The following TENM3 variants were observed in gnomAD, a reference collection of about 807,000 sequenced individuals.
TENM3 encodes teneurin transmembrane protein 3.
TENM3 carries 63 observed loss-of-function variants against 255.1 expected under a neutral mutation model. The ratio of observed to expected loss-of-function variants is 0.25; its 90% CI spans 0.20 to 0.30. TENM3 has a LOEUF of 0.30. Ranked by LOEUF, TENM3 falls within the 10% of genes least tolerant of loss-of-function variation. The pLI, the probability that TENM3 is intolerant of heterozygous loss-of-function variation, is 1.00. For synonymous variants in TENM3, 1,306 were observed against 1,322.3 expected (o/e 0.99, Z 0.27); for missense variants, 2,929 against 3,461.1 (o/e 0.85, Z 3.86).
the TENM3 span, among the ~76,000 whole-genome samples, chr4:181,623,699 G>A: frequency 3.1e-4 from 47 of 152,232 alleles, no homozygotes; most frequent in Admixed American, 7.8e-4. Flanking sequence ...CTTATGCTTC[G>A]TAAACAATCA....
chr4:181,871,082 C>CT, the TENM3 span, among the ~76,000 whole-genome samples: 158 of 152,094 alleles, frequency 1.0e-3, 1 homozygote, highest in East Asian at 0.017. Context: ...TCATATGTGT[C>CT]TATTTCTGAA....
the TENM3 span, among the ~76,000 whole-genome samples, chr4:181,510,340 C>T: frequency 6.6e-6 from 1 of 151,946 alleles, no homozygotes; most frequent in Non-Finnish European, 1.5e-5. Context: ...TCCAGACAAA[C>T]AACATACCAA....
intron 6 of TENM3, among the ~76,000 whole-genome samples, chr4:182,660,734 A>C (rs1389522216): frequency 6.6e-6 from 1 of 152,198 alleles, no homozygotes; most frequent in Non-Finnish European, 1.5e-5. Flanking sequence ...CATAGAATTT[A>C]TTCATTTTAC....
the TENM3 span, among the ~76,000 whole-genome samples, chr4:181,603,973 T>C: frequency 1.3e-5 from 2 of 152,152 alleles, no homozygotes; most frequent in African/African-American, 4.8e-5. Flanking sequence ...TGATTAGATA[T>C]CTGAATGATT....
chr4:181,912,540 C>T, the TENM3 span, among the ~76,000 whole-genome samples: 1 of 152,040 alleles, frequency 6.6e-6, no homozygotes, highest in Non-Finnish European at 1.5e-5. Context: ...GTAATCCCAA[C>T]ACTTTGAGAG....
the TENM3 span, among the ~76,000 whole-genome samples, chr4:181,846,259 G>T: frequency 6.6e-6 from 1 of 151,856 alleles, no homozygotes; most frequent in African/African-American, 2.4e-5. Flanking sequence ...TTGAAATTTT[G>T]AAATGCTATC....
At chr4:181,599,247 T>G in the TENM3 span, among the ~76,000 whole-genome samples, 1 of 152,312 alleles carries the variant, frequency 6.6e-6, no homozygotes, top group East Asian at 1.9e-4. Context: ...ATTGAATAAG[T>G]GTACCATTAT....
intron 1 of TENM3, among the ~76,000 whole-genome samples, chr4:182,180,173 G>A (rs1409416572): frequency 6.6e-6 from 1 of 151,062 alleles, no homozygotes; most frequent in Non-Finnish European, 1.5e-5. Flanking sequence ...TTTTCTTAAC[G>A]TGAACTTTCC....
At chr4:182,370,302 G>GT (rs1459602016) in intron 3 of TENM3, among the ~76,000 whole-genome samples, 2 of 152,156 alleles carry the variant, frequency 1.3e-5, no homozygotes, top group Non-Finnish European at 2.9e-5. Context: ...TGTGTCTGTT[G>GT]TAAGTATCAT....
At chr4:182,216,526 A>G (rs1211252419) in intron 1 of TENM3, among the ~76,000 whole-genome samples, 1 of 152,176 alleles carries the variant, frequency 6.6e-6, no homozygotes, top group African/African-American at 2.4e-5. Context: ...TTTACCTGTC[A>G]GTTTCGTTAC....
the TENM3 span, among the ~76,000 whole-genome samples, chr4:181,717,307 A>C: frequency 6.6e-6 from 1 of 152,302 alleles, no homozygotes; most frequent in Admixed American, 6.5e-5. Context: ...AAACTTTTTC[A>C]TGTCAGAGAG....
At chr4:182,640,121 T>A (rs772523701) in intron 5 of TENM3, among the ~76,000 whole-genome samples, 3 of 152,154 alleles carry the variant, frequency 2.0e-5, no homozygotes, top group Non-Finnish European at 4.4e-5. Context: ...TTTTGCTGAT[T>A]TCTATTCATA....
At chr4:181,553,659 T>C in the TENM3 span, among the ~76,000 whole-genome samples, 1 of 152,036 alleles carries the variant, frequency 6.6e-6, no homozygotes, top group Non-Finnish European at 1.5e-5. Flanking sequence ...GCCAGGATGG[T>C]CTCGATCTCC....
At chr4:182,557,593 C>G (rs1306458657) in intron 3 of TENM3, among the ~76,000 whole-genome samples, 2 of 152,170 alleles carry the variant, frequency 1.3e-5, no homozygotes, top group Non-Finnish European at 2.9e-5. Flanking sequence ...TTGGCCCTTG[C>G]TCTGTTGATT....
chr4:181,802,346 G>T, the TENM3 span, among the ~76,000 whole-genome samples: 1 of 152,066 alleles, frequency 6.6e-6, no homozygotes, highest in Admixed American at 6.5e-5. Context: ...TAAAGATTTT[G>T]CCATAACTTT....
chr4:181,794,016 T>C, the TENM3 span, among the ~76,000 whole-genome samples: 1 of 152,204 alleles, frequency 6.6e-6, no homozygotes, highest in Non-Finnish European at 1.5e-5. Flanking sequence ...AACATTTTGA[T>C]TTAAGATAAG....
At chr4:181,938,214 A>G in the TENM3 span, among the ~76,000 whole-genome samples, 1 of 152,188 alleles carries the variant, frequency 6.6e-6, no homozygotes, top group African/African-American at 2.4e-5. Flanking sequence ...ATGTTATCAG[A>G]TGTCTTTATT....
the TENM3 span, among the ~76,000 whole-genome samples, chr4:181,753,448 G>A: frequency 2.0e-5 from 3 of 152,108 alleles, no homozygotes; most frequent in South Asian, 2.1e-4. Context: ...CAGAGTCCGC[G>A]TGGAGCATCA....
chr4:181,540,353 C>A, the TENM3 span, among the ~76,000 whole-genome samples: 1 of 151,980 alleles, frequency 6.6e-6, no homozygotes, highest in Non-Finnish European at 1.5e-5. Flanking sequence ...AACGACAAAC[C>A]CCTGGTGGTA....
Sources: allele counts gnomAD v4.1 joint callset (sites outside exome capture counted in the v4.1 genomes callset), GRCh38; gene constraint gnomAD v4.1.1; transcripts MANE v1.5; gene names NCBI Gene and HGNC (gene_info 2026-07-23, HGNC 2026-07-21).